Variants in DPP10 observed in about 807,000 individuals in gnomAD.
The protein encoded by DPP10 is dipeptidyl peptidase like 10, also known as inactive dipeptidyl peptidase 10.
A neutral mutation model predicts 120.9 loss-of-function variants in DPP10; 33 were observed. The observed-to-expected ratio is 0.27, with a 90% CI of 0.21 to 0.37. The LOEUF (loss-of-function observed/expected upper bound fraction) is 0.37, where lower values mean the gene tolerates loss of function less well. DPP10 is among the 10% of genes least tolerant of loss of function. The pLI is 1.00. For synonymous variants in DPP10, 337 were observed against 326.1 expected (o/e 1.03, Z -0.36); for missense variants, 816 against 942.8 (o/e 0.87, Z 1.76).
At chr2:114,548,157 T>C (rs1687578090) in intron 1 of DPP10, among the ~76,000 whole-genome samples, 1 of 152,184 alleles carries the variant, frequency 6.6e-6, no homozygotes, top group African/African-American at 2.4e-5. Context: ...TAAAACCCTT[T>C]ATAACTGGAA....
intron 10 of DPP10, among the ~76,000 whole-genome samples, chr2:115,747,787 G>T (rs1057466869): frequency 6.6e-6 from 1 of 152,046 alleles, no homozygotes; most frequent in African/African-American, 2.4e-5. Context: ...TAGAGATGGG[G>T]TTTCACTGTG....
intron 1 of DPP10, chr2:115,064,567 C>T: frequency 9.3e-7 from 1 of 1,076,790 alleles, no homozygotes; most frequent in South Asian, 1.6e-5. Context: ...CCACCCACCC[C>T]TACACACACA....
At position 115,158,127 on chromosome 2, in the gene DPP10, AT is replaced by A. The variant is rs2052044859; in HGVS notation, c.61-151108del. On this transcript the variant is annotated intron_variant, in intron 1 of 25. Coordinates refer to ENST00000410059, the MANE Select transcript of DPP10 (RefSeq NM_020868.6). ...TCTTACTTGGTTGTTTTTAGAGTAA[AT>A]TTTGGTTCTTTGGTCCTTTGTCTGC... Among the ~76,000 whole-genome samples the A allele has an allele frequency of 3.9e-5, 6 of 152,264 alleles. No individual in the cohort carries two copies. In the South Asian group the frequency reaches 1.2e-3, roughly 32 times the overall value.
intron 1 of DPP10, among the ~76,000 whole-genome samples, chr2:115,265,719 C>T (rs548259560): frequency 1.3e-5 from 2 of 152,122 alleles, no homozygotes; most frequent in South Asian, 4.1e-4. Flanking sequence ...GGGAAAGGGG[C>T]AGCTACACAT....
intron 1 of DPP10, among the ~76,000 whole-genome samples, chr2:114,702,057 C>A (rs1700415418): frequency 6.6e-6 from 1 of 152,098 alleles, no homozygotes; most frequent in Admixed American, 6.6e-5. Flanking sequence ...CTCTGAGCAT[C>A]TGTAAGTTAC....
intron 5 of DPP10, among the ~76,000 whole-genome samples, chr2:115,585,945 T>C (rs1477113023): frequency 1.3e-5 from 2 of 152,220 alleles, no homozygotes; most frequent in Non-Finnish European, 2.9e-5. Context: ...CACATAATAA[T>C]CCAATGTGAG....
chr2:114,797,304 C>G (rs1397898667), intron 1 of DPP10, among the ~76,000 whole-genome samples: 1 of 152,104 alleles, frequency 6.6e-6, no homozygotes, highest in Non-Finnish European at 1.5e-5. Flanking sequence ...CCCTAAGTTT[C>G]TTGTGAGGCG....
intron 1 of DPP10, among the ~76,000 whole-genome samples, chr2:114,476,226 T>C (rs958283389): frequency 1.3e-5 from 2 of 152,206 alleles, no homozygotes; most frequent in Non-Finnish European, 2.9e-5. Flanking sequence ...TATCTATTCA[T>C]TTATCATTCT....
chr2:115,725,341 A>G (rs2092740602), intron 7 of DPP10, among the ~76,000 whole-genome samples: 1 of 152,184 alleles, frequency 6.6e-6, no homozygotes, highest in African/African-American at 2.4e-5. Flanking sequence ...ATAAACTTTG[A>G]TAATTGAAAA....
chr2:114,497,337 A>ACATGTATACGTGTATACATGTC, intron 1 of DPP10, among the ~76,000 whole-genome samples: 1 of 25,152 alleles, frequency 4.0e-5, no homozygotes, highest in Non-Finnish European at 1.1e-4. Context: ...GTATACATGT[A>ACATGTATACGTGTATACATGTC]CATATACATA....
chr2:114,516,505 T>C (rs566206374), intron 1 of DPP10, among the ~76,000 whole-genome samples: 1 of 152,234 alleles, frequency 6.6e-6, no homozygotes, highest in Non-Finnish European at 1.5e-5. Flanking sequence ...TCTTAGTCTT[T>C]AGCCTTTGGA....
chr2:114,460,207 ATCTATC>A, intron 1 of DPP10, among the ~76,000 whole-genome samples: 1 of 151,682 alleles, frequency 6.6e-6, no homozygotes, highest in East Asian at 1.9e-4. Context: ...CTATCTATCT[ATCTATC>A]TATCTATCTA....
intron 1 of DPP10, among the ~76,000 whole-genome samples, chr2:114,565,123 A>C (rs2104971438): frequency 6.6e-6 from 1 of 152,222 alleles, no homozygotes; most frequent in Non-Finnish European, 1.5e-5. Flanking sequence ...AATGGCTGTG[A>C]GCCTCTGGTT....
At chr2:115,735,778 C>T (rs1676417641) in intron 8 of DPP10, among the ~76,000 whole-genome samples, 2 of 150,820 alleles carry the variant, frequency 1.3e-5, no homozygotes. Context: ...GGTGATCCGC[C>T]CACCTCGGCC....
At chr2:115,423,939 G>T (rs1404966880) in intron 3 of DPP10, among the ~76,000 whole-genome samples, 1 of 152,010 alleles carries the variant, frequency 6.6e-6, no homozygotes, top group East Asian at 1.9e-4. Context: ...TCATGGTTAT[G>T]CCAAACTCCT....
intron 19 of DPP10, among the ~76,000 whole-genome samples, chr2:115,792,414 G>A (rs969005554): frequency 1.3e-5 from 2 of 152,036 alleles, no homozygotes; most frequent in East Asian, 3.9e-4. Flanking sequence ...CAAGCAATTT[G>A]TCCCTTTATT....
At chr2:114,719,631 T>C (rs939517175) in intron 1 of DPP10, among the ~76,000 whole-genome samples, 1 of 152,192 alleles carries the variant, frequency 6.6e-6, no homozygotes, top group Non-Finnish European at 1.5e-5. Flanking sequence ...TAAGATGTTG[T>C]AGGGACCAAT....
At chr2:114,695,008 C>T (rs371862952) in intron 1 of DPP10, among the ~76,000 whole-genome samples, 4 of 151,970 alleles carry the variant, frequency 2.6e-5, no homozygotes, top group Non-Finnish European at 5.9e-5. Context: ...GGTCAGCTCA[C>T]GGAGGACCTT....
At chr2:115,038,004 A>G (rs1035505388) in intron 1 of DPP10, among the ~76,000 whole-genome samples, 1 of 152,152 alleles carries the variant, frequency 6.6e-6, no homozygotes, top group African/African-American at 2.4e-5. Flanking sequence ...AACATTTCTC[A>G]GGTGAATCTG....
Sources: gnomAD v4.1 joint callset for allele counts (sites outside exome capture counted in the v4.1 genomes callset) on GRCh38, gnomAD v4.1.1 for gene constraint, MANE v1.5 for transcripts, NCBI Gene and HGNC (gene_info 2026-07-23, HGNC 2026-07-21) for gene names.